The following NRDC variants were observed in gnomAD, a reference collection of about 807,000 sequenced individuals.
NRDC encodes nardilysin.
In NRDC, 54 loss-of-function variants were observed where a neutral mutation model predicts 147.1. The observed-to-expected ratio is 0.37, with a 90% confidence interval of 0.29 to 0.46. The LOEUF (loss-of-function observed/expected upper bound fraction) is 0.46, where lower values mean the gene tolerates loss of function less well. Ranked by LOEUF, NRDC falls within the 20% of genes least tolerant of loss-of-function variation. The probability of loss-of-function intolerance (pLI) is 1.00; values close to 1 mark genes in which losing one functional copy is unlikely to be tolerated. For missense variants in NRDC, 1,082 were observed against 1,370.6 expected, an observed-to-expected ratio of 0.79 and a Z score of 3.33; for synonymous variants, 440 against 482.1, an observed-to-expected ratio of 0.91 and a Z score of 1.14.
rs868260392 is a variant in NRDC, at chr1:51,798,382, G to C, written c.2471C>G (p.Ala824Gly). The stretch of plus-strand genomic sequence containing the variant: ...GTACTTGTCAATCATAGACCAACGG[G>C]CATATTCCAAGATTAAAAGCCGTAC... ...KDVRLLILEY[A>G]RWSMIDKYQA... The change falls in exon 22 of 31, where the codon GCC becomes GGC. Residue 824 changes from alanine (A) to glycine (G), a missense_variant. By Grantham distance (60) the Ala-to-Gly change is moderately conservative (BLOSUM62 0). Transcript: ENST00000352171. The C allele has an allele frequency of 2.5e-6, 4 of 1,613,854 alleles. No homozygotes were observed. Among genetic ancestry groups the C allele is most frequent in the Admixed American group, 1.7e-5 (1 of 60,006 alleles).
chr1:51,868,743 G>A (rs892835494), intron 1 of NRDC, among the ~76,000 whole-genome samples: 5 of 151,938 alleles, frequency 3.3e-5, no homozygotes, highest in African/African-American at 4.8e-5. Flanking sequence ...GTGGTGGTGC[G>A]TGCCTGTCGT....
chr1:51,858,485 A>G (rs1682368304), intron 1 of NRDC, among the ~76,000 whole-genome samples: 1 of 152,058 alleles, frequency 6.6e-6, no homozygotes, highest in African/African-American at 2.4e-5. Context: ...AAAAAAAAAA[A>G]AAAAGGCAAA....
At chr1:51,835,895 A>G (rs139901391) in intron 3 of NRDC, among the ~76,000 whole-genome samples, 71 of 152,356 alleles carry the variant, frequency 4.7e-4, no homozygotes, top group African/African-American at 1.6e-3. Flanking sequence ...ATAGCTCAAC[A>G]ATAGTGACAT....
rs191304078 is a variant in NRDC, at chr1:51,803,249, C to A, written c.2313+565G>T. Reference sequence around the variant, plus strand: ...CAGCACTTTCAGAGGCTGAGGCAGGCAGATCACTTGAGGTCAGGAGTTCGA... The same window carrying A: ...CAGCACTTTCAGAGGCTGAGGCAGGAAGATCACTTGAGGTCAGGAGTTCGA... On this transcript the variant is annotated intron_variant, in intron 20 of 30. Coordinates refer to ENST00000352171, the MANE Select transcript of NRDC (RefSeq NM_001101662.2). Among the ~76,000 whole-genome samples the A allele has an allele frequency of 6.6e-5, 10 of 152,180 alleles. No individual in the cohort carries two copies. The South Asian group carries it at 1.9e-3, about 28-fold the overall frequency.
chr1:51,803,908 G>A lies in NRDC; in HGVS notation c.2219C>T (p.Ala740Val). The change falls in exon 20 of 31, where the codon GCT (alanine) becomes GTT (valine). Residue 740 changes from alanine to valine, a missense_variant. By Grantham distance (64) the Ala-to-Val change is moderately conservative. This residue lies in a region of NRDC where 635 missense variants were observed against 923.8 expected (regional missense o/e 0.69). Transcript: ENST00000352171. ...CAGCTGTGCCACATCTGCTTCATAA[G>A]CTGGTTCCGCAAGGTTATGCGTAAG... ...NILTHNLAEP[A>V]YEADVAQLEY... 6.2e-7 allele frequency: 1 copy of A among 1,613,418 alleles called. No homozygotes were observed. Among genetic ancestry groups the A allele is most frequent in the Non-Finnish European group, 8.5e-7 (1 of 1,179,574 alleles).
At chr1:51,818,224 C>CTT (rs1680059318) in intron 9 of NRDC, 89 bp from the exon 10 acceptor site, 1 of 835,702 alleles carries the variant, frequency 1.2e-6, no homozygotes, top group Non-Finnish European at 1.8e-6. Context: ...TATATTTATC[C>CTT]TCCAATAAAC....
At chr1:51,850,089 A>C (rs1313081450) in intron 1 of NRDC, among the ~76,000 whole-genome samples, 1 of 151,840 alleles carries the variant, frequency 6.6e-6, no homozygotes, top group Non-Finnish European at 1.5e-5. Context: ...AGGCACAAGA[A>C]TCACTTGAAC....
At chr1:51,844,143 C>T (rs941663729) in intron 1 of NRDC, among the ~76,000 whole-genome samples, 1 of 152,044 alleles carries the variant, frequency 6.6e-6, no homozygotes, top group African/African-American at 2.4e-5. Context: ...TCGCCTCCAC[C>T]ACCACCATCC....
intron 28 of NRDC, 110 bp from the exon 29 acceptor site, chr1:51,790,759 C>A: frequency 1.0e-6 from 1 of 974,838 alleles, no homozygotes; most frequent in Non-Finnish European, 1.6e-6. Flanking sequence ...GTATAAGAGG[C>A]ACGGATGAAG....
chr1:51,840,044 G>T, intron 2 of NRDC, 182 bp downstream of exon 2: 1 of 509,576 alleles, frequency 2.0e-6, no homozygotes, highest in Non-Finnish European at 3.5e-6. Context: ...TATATAATGA[G>T]CATTTACTAC....
At chr1:51,875,411 G>C (rs375809548) in intron 1 of NRDC, among the ~76,000 whole-genome samples, 2 of 152,140 alleles carry the variant, frequency 1.3e-5, no homozygotes, top group Admixed American at 1.3e-4. Flanking sequence ...AGACAAAAAC[G>C]CAACAATTTT....
chr1:51,836,156 C>T lies in NRDC; in HGVS notation c.687G>A (p.Pro229=), dbSNP rs746326119. The change falls in exon 3 of 31, where the codon CCG becomes CCA. Residue 229 remains proline (P), a synonymous_variant. Transcript: ENST00000352171. ...VGSFADPDDL[P]GLAHFLEHMV... is the part of the protein sequence containing the mutation. ...TGTGCTCCAAAAAGTGTGCCAGCCC[C>T]GGCAGGTCATCTGGATCAGCGAAAC... 8.7e-6 allele frequency: 14 copies of T among 1,614,112 alleles called. No individual in the cohort carries two copies. The highest frequency in any genetic ancestry group is 1.7e-5 in the Admixed American group (1 of 60,018).
Position 51,840,524 on chromosome 1 carries a change from G to C in NRDC, c.342-10C>G. 6.8e-7 allele frequency: 1 copy of C among 1,465,106 alleles called. No homozygotes were observed. The highest frequency in any genetic ancestry group is 9.1e-7 in the Non-Finnish European group (1 of 1,093,372). The allele number at this position is 1,465,106 out of a possible 1,614,324, so 90.8% of individuals were successfully genotyped here. ...CTGTAATTTGATGTATCTGGGGGGAGAAAAAAAAAATCACACATTTTGATT... is the reference window on the plus strand; with the variant it reads ...CTGTAATTTGATGTATCTGGGGGGACAAAAAAAAAATCACACATTTTGATT... On this transcript the variant is annotated splice_polypyrimidine_tract_variant and intron_variant, in intron 1 of 30. Transcript: ENST00000352171.
At chr1:51,835,956 T>C (rs1238965877) in intron 3 of NRDC, among the ~76,000 whole-genome samples, 175 bp downstream of exon 3, 1 of 152,230 alleles carries the variant, frequency 6.6e-6, no homozygotes, top group Admixed American at 6.5e-5. Flanking sequence ...TCAATATAAG[T>C]ACACTCAGAT....
intron 1 of NRDC, among the ~76,000 whole-genome samples, chr1:51,876,815 G>A (rs1557945883): frequency 2.0e-5 from 3 of 152,222 alleles, no homozygotes; most frequent in African/African-American, 7.2e-5. Flanking sequence ...TGTTTCTTGC[G>A]CTAACGCTGT....
At chr1:51,829,540 T>C (rs1680609534) in intron 4 of NRDC, among the ~76,000 whole-genome samples, 1 of 152,208 alleles carries the variant, frequency 6.6e-6, no homozygotes, top group Non-Finnish European at 1.5e-5. Flanking sequence ...TTGGAAGTTA[T>C]TAGACTTTAA....
At chr1:51,793,651 A>C (rs1303662320) in intron 24 of NRDC, among the ~76,000 whole-genome samples, 2 of 152,208 alleles carry the variant, frequency 1.3e-5, no homozygotes, top group Non-Finnish European at 2.9e-5. Context: ...GATACAAGAC[A>C]AAGAAATGAT....
chr1:51,835,983 T>C, intron 3 of NRDC, 148 bp downstream of exon 3: 1 of 659,080 alleles, frequency 1.5e-6, no homozygotes, highest in Non-Finnish European at 2.7e-6. Flanking sequence ...CCCCACGATA[T>C]TCATAAATCA....
At chr1:51,877,509 A>ACG (rs933138170) in intron 1 of NRDC, among the ~76,000 whole-genome samples, 1 of 152,104 alleles carries the variant, frequency 6.6e-6, no homozygotes, top group Non-Finnish European at 1.5e-5. Context: ...TAAAACACAC[A>ACG]CGCACACACA....
Sources: gnomAD v4.1 joint callset for allele counts (sites outside exome capture counted in the v4.1 genomes callset) on GRCh38, gnomAD v4.1.1 for gene constraint, gnomAD v4.1.1 regional missense constraint, MANE v1.5 for transcripts, NCBI Gene and HGNC (gene_info 2026-07-23, HGNC 2026-07-21) for gene names.